The following EXT1 variants were observed in gnomAD, a reference collection of about 807,000 sequenced individuals.
EXT1 encodes exostosin glycosyltransferase 1.
A neutral mutation model predicts 82.5 loss-of-function variants in EXT1; 20 were observed. The ratio of observed to expected loss-of-function variants is 0.24; its 90% CI spans 0.17 to 0.35. The LOEUF (loss-of-function observed/expected upper bound fraction) is 0.35, where lower values mean the gene tolerates loss of function less well. EXT1 is among the 10% of genes least tolerant of loss of function. The pLI is 1.00. For synonymous variants in EXT1, 348 were observed against 350.8 expected (o/e 0.99, Z 0.09); for missense variants, 757 against 936.5 (o/e 0.81, Z 2.50).
intron 1 of EXT1, among the ~76,000 whole-genome samples, chr8:117,904,819 G>A (rs1204485890): frequency 6.6e-6 from 1 of 150,620 alleles, no homozygotes; most frequent in Admixed American, 6.6e-5. Flanking sequence ...AGGAGAGAGA[G>A]AGAAAGAAGG....
At chr8:117,953,291 G>A (rs1396933792) in intron 1 of EXT1, among the ~76,000 whole-genome samples, 3 of 152,032 alleles carry the variant, frequency 2.0e-5, no homozygotes, top group African/African-American at 7.2e-5. Flanking sequence ...GCATAACCAT[G>A]CTAGACTGCC....
chr8:118,000,028 C>T (rs1402512042), intron 1 of EXT1, among the ~76,000 whole-genome samples: 1 of 152,066 alleles, frequency 6.6e-6, no homozygotes, highest in East Asian at 1.9e-4. Context: ...CACACATACA[C>T]ACACACACAG....
intron 1 of EXT1, among the ~76,000 whole-genome samples, chr8:117,945,205 C>T (rs1343641715): frequency 2.0e-5 from 3 of 152,160 alleles, no homozygotes; most frequent in Non-Finnish European, 4.4e-5. Flanking sequence ...TTACAGTCCC[C>T]ATTTTATTGA....
At chr8:117,810,660 T>C (rs1823304137) in intron 8 of EXT1, among the ~76,000 whole-genome samples, 1 of 152,128 alleles carries the variant, frequency 6.6e-6, no homozygotes, top group African/African-American at 2.4e-5. Flanking sequence ...AGGATGATGA[T>C]TAAGGTACAT....
intron 1 of EXT1, among the ~76,000 whole-genome samples, chr8:117,893,254 A>C (rs1813279196): frequency 6.6e-6 from 1 of 152,254 alleles, no homozygotes; most frequent in Admixed American, 6.5e-5. Flanking sequence ...CTCTCTGCTA[A>C]ATAAATAACG....
chr8:118,105,342 C>G (rs1442580762), intron 1 of EXT1, among the ~76,000 whole-genome samples: 1 of 152,204 alleles, frequency 6.6e-6, no homozygotes, highest in East Asian at 1.9e-4. Context: ...CTCCAATGGG[C>G]AGGACCTGCC....
intron 1 of EXT1, among the ~76,000 whole-genome samples, chr8:117,993,213 T>C (rs2129792738): frequency 6.6e-6 from 1 of 152,226 alleles, no homozygotes; most frequent in East Asian, 1.9e-4. Flanking sequence ...CTCTATTTCA[T>C]CTCCTGCTGG....
chr8:117,914,818 G>A lies in EXT1; in HGVS notation c.963-77617C>T, dbSNP rs142234063. On this transcript the variant is annotated intron_variant, in intron 1 of 10. Transcript: ENST00000378204. ...TGTTTATCAAGACAATACGTGCACC[G>A]CTGAACATAGACCCTTATCAGTAGT... is the stretch of plus-strand genomic sequence containing the variant. Among the ~76,000 whole-genome samples, 514 of 152,264 alleles carry A rather than the reference G, an allele frequency of 3.4e-3. 3 individuals are homozygous for A. The highest frequency in any genetic ancestry group is 0.011 in the African/African-American group (461 of 41,558).
chr8:117,995,896 G>C (rs999924513), intron 1 of EXT1, among the ~76,000 whole-genome samples: 2 of 152,146 alleles, frequency 1.3e-5, no homozygotes, highest in Non-Finnish European at 2.9e-5. Context: ...TAACCAAGTA[G>C]GGATTCACTG....
intron 5 of EXT1, among the ~76,000 whole-genome samples, chr8:117,820,966 C>T (rs1246174473): frequency 6.6e-6 from 1 of 152,154 alleles, no homozygotes; most frequent in Non-Finnish European, 1.5e-5. Context: ...ACCACTGTCA[C>T]CAAAGAGACA....
intron 1 of EXT1, among the ~76,000 whole-genome samples, chr8:117,895,855 G>A (rs1379601267): frequency 6.6e-6 from 1 of 152,042 alleles, no homozygotes; most frequent in Non-Finnish European, 1.5e-5. Context: ...TAGTGCCTCC[G>A]TTCGCATCCA....
At chr8:118,001,695 G>A (rs564226872) in intron 1 of EXT1, among the ~76,000 whole-genome samples, 4 of 152,110 alleles carry the variant, frequency 2.6e-5, no homozygotes, top group Admixed American at 6.5e-5. Flanking sequence ...GTCATGCTTC[G>A]TTATTTTTCA....
At chr8:118,043,907 GAAT>G (rs747004501) in intron 1 of EXT1, among the ~76,000 whole-genome samples, 18 of 152,162 alleles carry the variant, frequency 1.2e-4, no homozygotes, top group Non-Finnish European at 5.9e-5. Flanking sequence ...ACCATCTACA[GAAT>G]AATAACAATA....
intron 1 of EXT1, among the ~76,000 whole-genome samples, chr8:118,009,894 C>G (rs1216470801): frequency 1.8e-4 from 28 of 152,170 alleles, no homozygotes; most frequent in Admixed American, 1.8e-3. Context: ...CTAGTCTATA[C>G]TCACCTGGAC....
intron 1 of EXT1, among the ~76,000 whole-genome samples, chr8:118,024,343 T>C (rs1816166270): frequency 6.6e-6 from 1 of 152,144 alleles, no homozygotes; most frequent in Non-Finnish European, 1.5e-5. Context: ...TGTGTTTGGA[T>C]ACTAAAACAC....
intron 1 of EXT1, among the ~76,000 whole-genome samples, chr8:118,006,362 T>C (rs1012160995): frequency 6.6e-6 from 1 of 152,228 alleles, no homozygotes; most frequent in African/African-American, 2.4e-5. Flanking sequence ...TATGGATCTC[T>C]GAGGTTTTTG....
intron 1 of EXT1, among the ~76,000 whole-genome samples, chr8:117,885,494 C>CAAAAAAAAAAAAAAAAAAAA (rs11300586): frequency 4.8e-5 from 5 of 103,414 alleles, no homozygotes; most frequent in South Asian, 3.3e-4. Context: ...AAGTAACAGA[C>CAAAAAAAAAAAAAAAAAAAA]AAAAAAAAAA....
chr8:117,894,282 T>A (rs1459583753), intron 1 of EXT1, among the ~76,000 whole-genome samples: 1 of 152,158 alleles, frequency 6.6e-6, no homozygotes, highest in Middle Eastern at 3.2e-3. Context: ...CAAGCAATCC[T>A]TCTGCCGCAG....
intron 7 of EXT1, among the ~76,000 whole-genome samples, chr8:117,815,774 C>T (rs182369831): frequency 2.0e-5 from 3 of 152,044 alleles, no homozygotes; most frequent in Admixed American, 1.3e-4. Context: ...CTACTAAAAA[C>T]ACAAAATTAG....
Sources: allele counts gnomAD v4.1 joint callset (sites outside exome capture counted in the v4.1 genomes callset), GRCh38; gene constraint gnomAD v4.1.1; transcripts MANE v1.5; gene names NCBI Gene and HGNC (gene_info 2026-07-23, HGNC 2026-07-21).